The following CNTN4 variants were observed in gnomAD, a reference collection of about 807,000 sequenced individuals.
CNTN4 encodes the protein contactin-4.
A neutral mutation model predicts 122.5 loss-of-function variants in CNTN4; 77 were observed. The ratio of observed to expected loss-of-function variants is 0.63; its 90% CI spans 0.52 to 0.76. The LOEUF is 0.76. CNTN4 is among the 30% of genes least tolerant of loss of function. CNTN4 has a pLI of 0.00. For synonymous variants in CNTN4, 512 were observed against 447.0 expected, an observed-to-expected ratio of 1.15 and a Z score of -1.83; for missense variants, 1,256 against 1,259.1, an observed-to-expected ratio of 1.00 and a Z score of 0.04.
chr3:2,113,565 C>T (rs2033119802), intron 2 of CNTN4, among the ~76,000 whole-genome samples: 1 of 152,110 alleles, frequency 6.6e-6, no homozygotes, highest in African/African-American at 2.4e-5. Flanking sequence ...TGGTTCCCTG[C>T]TACGAAGCCT....
At chr3:2,200,242 A>G (rs534495278) in intron 2 of CNTN4, among the ~76,000 whole-genome samples, 20 of 152,224 alleles carry the variant, frequency 1.3e-4, no homozygotes, top group Non-Finnish European at 2.6e-4. Flanking sequence ...TATGTTTGAG[A>G]TAGAGTTAAA....
chr3:2,738,167 C>G (rs1034090229), intron 5 of CNTN4, among the ~76,000 whole-genome samples: 1 of 152,066 alleles, frequency 6.6e-6, no homozygotes, highest in African/African-American at 2.4e-5. Flanking sequence ...GCACTTCAAG[C>G]AGTACAAATA....
intron 4 of CNTN4, among the ~76,000 whole-genome samples, chr3:2,601,151 T>C (rs915038142): frequency 4.6e-5 from 7 of 152,206 alleles, no homozygotes; most frequent in Admixed American, 1.3e-4. Context: ...TTCTGTAGGT[T>C]GCCTGTTCAC....
chr3:2,500,354 T>C (rs2076563838), intron 3 of CNTN4, among the ~76,000 whole-genome samples: 1 of 152,120 alleles, frequency 6.6e-6, no homozygotes, highest in Non-Finnish European at 1.5e-5. Flanking sequence ...TGTGTAGATT[T>C]CTCAAAGTGT....
At chr3:2,734,113 C>A (rs9848561) in intron 4 of CNTN4, among the ~76,000 whole-genome samples, 54 of 152,180 alleles carry the variant, frequency 3.5e-4, no homozygotes, top group African/African-American at 9.2e-4. Flanking sequence ...AAGCTGGAGC[C>A]TGCTGGCAAT....
chr3:2,418,260 C>A (rs1350123042), intron 3 of CNTN4, among the ~76,000 whole-genome samples: 8 of 152,216 alleles, frequency 5.3e-5, no homozygotes, highest in Middle Eastern at 3.4e-3. Flanking sequence ...TGGAAAATCT[C>A]TGCACCTTCC....
intron 6 of CNTN4, among the ~76,000 whole-genome samples, chr3:2,816,165 T>C (rs1225574300): frequency 6.6e-6 from 1 of 151,302 alleles, no homozygotes; most frequent in Non-Finnish European, 1.5e-5. Flanking sequence ...CCATCCTGGC[T>C]AACACGGTGA....
intron 14 of CNTN4, among the ~76,000 whole-genome samples, chr3:2,991,565 T>C (rs893403878): frequency 6.6e-6 from 1 of 152,096 alleles, no homozygotes; most frequent in Non-Finnish European, 1.5e-5. Context: ...CCCAGTGTGG[T>C]TGGTTCTCAC....
intron 2 of CNTN4, among the ~76,000 whole-genome samples, chr3:2,164,424 T>C (rs566735660): frequency 6.6e-6 from 1 of 152,196 alleles, no homozygotes; most frequent in South Asian, 2.1e-4. Flanking sequence ...ATAATAGGAA[T>C]TTTAGAAATA....
intron 4 of CNTN4, among the ~76,000 whole-genome samples, chr3:2,600,002 ATTC>A (rs199846177): frequency 0.014 from 680 of 50,068 alleles, 114 homozygotes; most frequent in African/African-American, 0.047. Flanking sequence ...GGTTTATGGA[ATTC>A]TTCTTTTTTT....
In CNTN4 at chr3:2,490,756, A is replaced by G. The variant is rs947166794; in HGVS notation, c.-88-80660A>G. Among the ~76,000 whole-genome samples, 8 of 152,196 alleles carry G rather than the reference A, an allele frequency of 5.3e-5. No homozygotes were observed. In the South Asian group the frequency reaches 8.3e-4, roughly 16 times the overall value. On this transcript the variant is annotated intron_variant, in intron 3 of 24. Coordinates refer to ENST00000418658, the MANE Select transcript of CNTN4 (RefSeq NM_175607.3). ...ACCCTGAAATATGGTCATGAATTAA[A>G]GGCAATCAACTTTCAAATCACGCCC...
intron 2 of CNTN4, among the ~76,000 whole-genome samples, chr3:2,284,030 A>C (rs2041819066): frequency 6.6e-6 from 1 of 152,086 alleles, no homozygotes. Flanking sequence ...GTGGGCTAAA[A>C]CCAGCTGAAA....
chr3:2,413,932 G>A (rs1162718616), intron 3 of CNTN4, among the ~76,000 whole-genome samples: 3 of 152,092 alleles, frequency 2.0e-5, no homozygotes, highest in South Asian at 2.1e-4. Context: ...AATATTTAAC[G>A]TGTTTGGTGC....
intron 4 of CNTN4, among the ~76,000 whole-genome samples, chr3:2,730,628 A>G (rs551067207): frequency 2.0e-5 from 3 of 152,212 alleles, no homozygotes. Flanking sequence ...TCCTAGCTCC[A>G]CCCACCCTCT....
At chr3:2,109,766 A>T in intron 2 of CNTN4, among the ~76,000 whole-genome samples, 2 of 152,204 alleles carry the variant, frequency 1.3e-5, no homozygotes, top group East Asian at 1.9e-4. Flanking sequence ...ATAAATACGA[A>T]TTTTTTTGTC....
At chr3:2,521,638 A>T (rs564794904) in intron 3 of CNTN4, among the ~76,000 whole-genome samples, 1 of 152,248 alleles carries the variant, frequency 6.6e-6, no homozygotes, top group African/African-American at 2.4e-5. Flanking sequence ...CTCTTAGTGC[A>T]CTATTTTCAT....
intron 2 of CNTN4, among the ~76,000 whole-genome samples, chr3:2,229,227 C>G (rs979051911): frequency 4.8e-4 from 73 of 152,134 alleles, no homozygotes; most frequent in African/African-American, 1.7e-3. Context: ...CTCATTGGAC[C>G]ACAGTAAATG....
Position 2,604,116 on chromosome 3 carries a change from G to C in CNTN4, c.55+32558G>C, listed in dbSNP as rs559243645. ...TGTCACATTTCATCTGCCAGAGTAA[G>C]ACACATAGTCAAAGAAAAAGAAAGT... On this transcript the variant is annotated intron_variant, in intron 4 of 24. Transcript: ENST00000418658. Among the ~76,000 whole-genome samples, 11 of 152,256 alleles carry C rather than the reference G, an allele frequency of 7.2e-5. No individual in the cohort carries two copies. In the South Asian group the frequency reaches 2.1e-3, roughly 29 times the overall value.
chr3:2,180,361 G>A (rs914407356), intron 2 of CNTN4, among the ~76,000 whole-genome samples: 1 of 151,976 alleles, frequency 6.6e-6, no homozygotes, highest in East Asian at 1.9e-4. Context: ...GGTTAGAAAA[G>A]TGAGATGTAA....
Sources: gnomAD v4.1 joint callset for allele counts (sites outside exome capture counted in the v4.1 genomes callset) on GRCh38, gnomAD v4.1.1 for gene constraint, MANE v1.5 for transcripts, NCBI Gene and HGNC (gene_info 2026-07-23, HGNC 2026-07-21) for gene names.